Variants in SHISA6 observed in about 807,000 individuals in gnomAD.
SHISA6 encodes shisa family member 6, also known as protein shisa-6.
SHISA6 carries 22 observed loss-of-function variants against 47.9 expected under a neutral mutation model. The observed-to-expected ratio is 0.46, with a 90% CI of 0.33 to 0.66. The LOEUF (loss-of-function observed/expected upper bound fraction) is 0.66, where lower values mean the gene tolerates loss of function less well. SHISA6 is among the 30% of genes least tolerant of loss of function. SHISA6 has a pLI of 0.02. For missense variants in SHISA6, 680 were observed against 764.6 expected (o/e 0.89, Z 1.30); for synonymous variants, 388 against 337.8 (o/e 1.15, Z -1.63).
At chr17:11,477,179 T>A (rs1916071674) in intron 3 of SHISA6, among the ~76,000 whole-genome samples, 2 of 152,210 alleles carry the variant, frequency 1.3e-5, no homozygotes, top group Admixed American at 1.3e-4. Flanking sequence ...TTTCTTATAG[T>A]CAGCATAATT....
chr17:11,347,906 C>T (rs897871001), intron 2 of SHISA6, among the ~76,000 whole-genome samples: 12 of 152,140 alleles, frequency 7.9e-5, no homozygotes, highest in Admixed American at 6.5e-4. Context: ...CTCTTTCATG[C>T]GCTGACTTTC....
intron 3 of SHISA6, among the ~76,000 whole-genome samples, chr17:11,514,388 A>G (rs1028914004): frequency 4.1e-4 from 62 of 152,318 alleles, no homozygotes; most frequent in Non-Finnish European, 1.3e-4. Context: ...CCGAGATAGC[A>G]TGTTTGTAAG....
At chr17:11,245,432 T>G (rs1907539645) in intron 1 of SHISA6, among the ~76,000 whole-genome samples, 1 of 152,222 alleles carries the variant, frequency 6.6e-6, no homozygotes, top group Non-Finnish European at 1.5e-5. Context: ...GGGCTTTTTG[T>G]TCTGGGAGGG....
rs536227823 is a variant in SHISA6, at chr17:11,397,720, C to G, written c.895+18211C>G. Among the ~76,000 whole-genome samples the G allele has an allele frequency of 2.0e-5, 3 of 150,046 alleles. No individual in the cohort carries two copies. In the South Asian group the frequency reaches 6.3e-4, roughly 32 times the overall value. Reference sequence around the variant, plus strand: ...CTGATGACAGTTAAATTCTTCTCATCTTATAAGTTATTTGATCTTTTTGTT... The same window carrying G: ...CTGATGACAGTTAAATTCTTCTCATGTTATAAGTTATTTGATCTTTTTGTT... On this transcript the variant is annotated intron_variant, in intron 3 of 5. Coordinates refer to ENST00000441885, the MANE Select transcript of SHISA6 (RefSeq NM_207386.4).
At chr17:11,347,004 T>C (rs1438367346) in intron 2 of SHISA6, among the ~76,000 whole-genome samples, 1 of 152,208 alleles carries the variant, frequency 6.6e-6, no homozygotes, top group East Asian at 1.9e-4. Context: ...GTATCATGTT[T>C]GCGGAGTTGA....
chr17:11,526,880 C>CATATATATATATATACATATAT (rs1390939755), intron 3 of SHISA6, among the ~76,000 whole-genome samples: 2 of 111,882 alleles, frequency 1.8e-5, no homozygotes, highest in African/African-American at 6.4e-5. Flanking sequence ...TATCTATCAT[C>CATATATATATATATACATATAT]ATATATATAT....
intron 3 of SHISA6, among the ~76,000 whole-genome samples, chr17:11,411,065 T>G (rs1026184296): frequency 1.3e-5 from 2 of 151,918 alleles, no homozygotes; most frequent in African/African-American, 4.8e-5. Flanking sequence ...GCCTCCCAGG[T>G]TCATGCCATT....
chr17:11,364,154 G>A (rs1054925002), intron 2 of SHISA6, among the ~76,000 whole-genome samples: 1 of 152,142 alleles, frequency 6.6e-6, no homozygotes. Flanking sequence ...TTAATCTTGT[G>A]TATATAACTT....
chr17:11,349,773 T>C (rs557672076), intron 2 of SHISA6, among the ~76,000 whole-genome samples: 48 of 152,266 alleles, frequency 3.2e-4, no homozygotes, highest in Admixed American at 3.0e-3. Flanking sequence ...TGAGGCCTCT[T>C]GAAAAAGAGA....
At chr17:11,499,530 A>C (rs1271184423) in intron 3 of SHISA6, among the ~76,000 whole-genome samples, 1 of 152,128 alleles carries the variant, frequency 6.6e-6, no homozygotes, top group Non-Finnish European at 1.5e-5. Context: ...AGCACTTTAG[A>C]ATAGGCTACT....
intron 3 of SHISA6, among the ~76,000 whole-genome samples, chr17:11,456,011 C>G (rs1915524953): frequency 1.3e-5 from 2 of 151,798 alleles, no homozygotes. Context: ...GCACCCAGAC[C>G]TGTCCTCCCA....
At chr17:11,374,428 T>G (rs538713308) in intron 2 of SHISA6, among the ~76,000 whole-genome samples, 1 of 152,176 alleles carries the variant, frequency 6.6e-6, no homozygotes, top group East Asian at 1.9e-4. Flanking sequence ...CATTAACATA[T>G]TCTCTCTGAT....
At chr17:11,492,407 G>A (rs1234821725) in intron 3 of SHISA6, among the ~76,000 whole-genome samples, 1 of 152,168 alleles carries the variant, frequency 6.6e-6, no homozygotes, top group Non-Finnish European at 1.5e-5. Context: ...GAATGGGCTG[G>A]TTTAGAAATC....
At chr17:11,279,594 T>C (rs553733292) in intron 2 of SHISA6, among the ~76,000 whole-genome samples, 29 of 152,232 alleles carry the variant, frequency 1.9e-4, no homozygotes, top group African/African-American at 6.7e-4. Flanking sequence ...TATTATTATT[T>C]CTATTACCAC....
intron 3 of SHISA6, among the ~76,000 whole-genome samples, chr17:11,547,262 T>C (rs2071891037): frequency 6.6e-6 from 1 of 152,244 alleles, no homozygotes; most frequent in African/African-American, 2.4e-5. Context: ...AAAGAAAATA[T>C]ATCTTTTCTC....
intron 5 of SHISA6, among the ~76,000 whole-genome samples, chr17:11,556,511 T>C (rs950057169): frequency 6.6e-6 from 1 of 152,174 alleles, no homozygotes; most frequent in Non-Finnish European, 1.5e-5. Flanking sequence ...CTCCCTGGCT[T>C]TCTGGCCTTG....
intron 2 of SHISA6, among the ~76,000 whole-genome samples, chr17:11,333,706 G>A (rs908483559): frequency 6.6e-5 from 10 of 151,974 alleles, no homozygotes; most frequent in Admixed American, 4.6e-4. Flanking sequence ...GTAGAGATGG[G>A]GTTTCACCAT....
chr17:11,549,714 C>G (rs896975320), intron 3 of SHISA6, among the ~76,000 whole-genome samples: 1 of 152,206 alleles, frequency 6.6e-6, no homozygotes, highest in Non-Finnish European at 1.5e-5. Context: ...GACTGCCACT[C>G]TCCAGAAACT....
At chr17:11,300,669 CTT>C (rs201580011) in intron 2 of SHISA6, among the ~76,000 whole-genome samples, 23 of 136,150 alleles carry the variant, frequency 1.7e-4, no homozygotes, top group Admixed American at 1.5e-4. Flanking sequence ...TTTTCTTTTT[CTT>C]TTTTTTTTTT....
Sources: allele counts gnomAD v4.1 joint callset (sites outside exome capture counted in the v4.1 genomes callset), GRCh38; gene constraint gnomAD v4.1.1; transcripts MANE v1.5; gene names NCBI Gene and HGNC (gene_info 2026-07-23, HGNC 2026-07-21).